FTCDNL1: variants seen among roughly 807,000 people sequenced by gnomAD.
The protein encoded by FTCDNL1 is formiminotransferase N-terminal subdomain-containing protein.
FTCDNL1 carries 11 observed loss-of-function variants against 5.9 expected under a neutral mutation model. That is an observed-to-expected ratio of 1.87 (90% CI 1.18 to 3.10). The LOEUF (loss-of-function observed/expected upper bound fraction) is 3.10. Ranked by LOEUF, FTCDNL1 falls within the 30% of genes most tolerant of loss-of-function variation. FTCDNL1 has a pLI of 0.00. For missense variants in FTCDNL1, 115 were observed against 65.5 expected, an observed-to-expected ratio of 1.76 and a Z score of -2.61; for synonymous variants, 58 against 24.8, an observed-to-expected ratio of 2.34 and a Z score of -3.99.
chr2:199,725,063 T>C, the FTCDNL1 span, among the ~76,000 whole-genome samples: 1 of 152,202 alleles, frequency 6.6e-6, no homozygotes, highest in Admixed American at 6.5e-5. Context: ...ACCTGGGTGC[T>C]CCTGTATTGG....
At chr2:199,767,984 T>A (rs1336123488) in intron 3 of FTCDNL1, among the ~76,000 whole-genome samples, 1 of 152,228 alleles carries the variant, frequency 6.6e-6, no homozygotes, top group Non-Finnish European at 1.5e-5. Flanking sequence ...AATTTCTCAA[T>A]TAACTGACAT....
At chr2:199,830,673 C>T (rs763355285) in intron 3 of FTCDNL1, among the ~76,000 whole-genome samples, 1 of 152,110 alleles carries the variant, frequency 6.6e-6, no homozygotes, top group African/African-American at 2.4e-5. Context: ...GGGCCCTAAC[C>T]GCTCCAACAC....
chr2:199,795,229 C>A (rs1249332702), intron 3 of FTCDNL1, among the ~76,000 whole-genome samples: 1 of 152,124 alleles, frequency 6.6e-6, no homozygotes, highest in East Asian at 1.9e-4. Context: ...ACCCTTTGAC[C>A]TGAGTAATCT....
At chr2:199,801,074 C>T (rs1372890878) in intron 3 of FTCDNL1, among the ~76,000 whole-genome samples, 1 of 152,186 alleles carries the variant, frequency 6.6e-6, no homozygotes, top group East Asian at 1.9e-4. Flanking sequence ...TTCTTACATA[C>T]TTCTGATGCT....
At chr2:199,670,036 T>G in the FTCDNL1 span, among the ~76,000 whole-genome samples, 3 of 152,212 alleles carry the variant, frequency 2.0e-5, no homozygotes, top group Non-Finnish European at 2.9e-5. Context: ...AAATTTCAAA[T>G]GGTGATTACA....
At chr2:199,706,767 T>C in the FTCDNL1 span, among the ~76,000 whole-genome samples, 6 of 152,210 alleles carry the variant, frequency 3.9e-5, no homozygotes, top group Non-Finnish European at 7.3e-5. Context: ...CTTCTTTTCA[T>C]TGACCTTCAA....
the FTCDNL1 span, among the ~76,000 whole-genome samples, chr2:199,708,952 T>C: frequency 3.3e-3 from 508 of 152,248 alleles, 3 homozygotes; most frequent in African/African-American, 0.012. Flanking sequence ...AACACTGGTT[T>C]CTGTTTGCCA....
chr2:199,759,591 A>G (rs1265116583), downstream of FTCDNL1, among the ~76,000 whole-genome samples: 1 of 152,218 alleles, frequency 6.6e-6, no homozygotes, highest in Non-Finnish European at 1.5e-5. Flanking sequence ...AACCAAAGCA[A>G]TAAACAGAAA....
At chr2:199,676,670 G>A in the FTCDNL1 span, among the ~76,000 whole-genome samples, 2 of 152,070 alleles carry the variant, frequency 1.3e-5, no homozygotes, top group African/African-American at 4.8e-5. Flanking sequence ...ACCAGTTGAT[G>A]TTCTTAAGCA....
chr2:199,791,472 T>C (rs1344390197), intron 3 of FTCDNL1, among the ~76,000 whole-genome samples: 2 of 152,096 alleles, frequency 1.3e-5, no homozygotes, highest in African/African-American at 2.4e-5. Context: ...AGCACGCAAC[T>C]GAATTAAGAC....
At chr2:199,696,879 T>C in the FTCDNL1 span, among the ~76,000 whole-genome samples, 10,309 of 152,200 alleles carry the variant, frequency 0.068, 765 homozygotes, top group East Asian at 0.26. Flanking sequence ...AGGAGAAAGT[T>C]GAAACCCAAT....
chr2:199,838,180 T>A (rs1025076814), intron 3 of FTCDNL1, among the ~76,000 whole-genome samples: 15 of 152,164 alleles, frequency 9.9e-5, no homozygotes, highest in African/African-American at 3.4e-4. Flanking sequence ...GTCCACAGTA[T>A]CCTGCAGAGA....
Position 199,811,059 on chromosome 2 carries a change from A to G in FTCDNL1, c.*1646T>C, listed in dbSNP as rs1701008480. On this transcript the variant is annotated 3_prime_UTR_variant, in exon 5 of 5. Transcript: ENST00000420128. ...ACACATGTACATAATGAAACATTTC[A>G]ACTCCCGAGGCTGGGCCTCTTCCTC... Among the ~76,000 whole-genome samples the G allele has an allele frequency of 6.6e-6, 1 of 152,168 alleles. No individual in the cohort carries two copies. The highest frequency in any genetic ancestry group is 1.5e-5 in the Non-Finnish European group (1 of 68,036).
At chr2:199,800,821 A>T (rs1392557657) in intron 3 of FTCDNL1, among the ~76,000 whole-genome samples, 1 of 152,238 alleles carries the variant, frequency 6.6e-6, no homozygotes, top group African/African-American at 2.4e-5. Flanking sequence ...TTGTTCCTCT[A>T]GAAACAGAAA....
the FTCDNL1 span, among the ~76,000 whole-genome samples, chr2:199,731,732 C>CA: frequency 9.2e-5 from 14 of 152,048 alleles, 1 homozygote; most frequent in South Asian, 2.3e-3. Flanking sequence ...ACTAAAAATA[C>CA]AAAAAATTAG....
chr2:199,806,280 CAACAT>C (rs1236745884), downstream of FTCDNL1, among the ~76,000 whole-genome samples: 1 of 152,178 alleles, frequency 6.6e-6, no homozygotes, highest in Admixed American at 6.5e-5. Context: ...CCCCCAAGCA[CAACAT>C]ACTTCGGGAG....
At chr2:199,791,474 A>C (rs890738779) in intron 3 of FTCDNL1, among the ~76,000 whole-genome samples, 8 of 152,160 alleles carry the variant, frequency 5.3e-5, no homozygotes, top group African/African-American at 1.9e-4. Flanking sequence ...CACGCAACTG[A>C]ATTAAGACCC....
the FTCDNL1 span, among the ~76,000 whole-genome samples, chr2:199,731,279 G>A: frequency 6.6e-6 from 1 of 152,150 alleles, no homozygotes; most frequent in Non-Finnish European, 1.5e-5. Flanking sequence ...GTTGATAGGT[G>A]TAGCAAACCA....
chr2:199,817,005 C>T (rs1327476555), intron 4 of FTCDNL1, among the ~76,000 whole-genome samples: 1 of 152,202 alleles, frequency 6.6e-6, no homozygotes, highest in Admixed American at 6.5e-5. Flanking sequence ...GTTTCATTAA[C>T]TAATTTAACT....
Sources: allele counts gnomAD v4.1 joint callset (sites outside exome capture counted in the v4.1 genomes callset), GRCh38; gene constraint gnomAD v4.1.1; transcripts MANE v1.5; gene names NCBI Gene and HGNC (gene_info 2026-07-23, HGNC 2026-07-21).